Variants in LDLRAD4 observed in about 807,000 individuals in gnomAD.
LDLRAD4 encodes low-density lipoprotein receptor class A domain-containing protein 4.
Under a neutral mutation model 17.0 loss-of-function variants are expected in LDLRAD4, and 5 were observed. The observed-to-expected ratio is 0.29, with a 90% CI of 0.15 to 0.62. LDLRAD4 has a LOEUF of 0.62. Ranked by LOEUF, LDLRAD4 falls within the 20% of genes least tolerant of loss-of-function variation. The pLI is 0.84. For missense variants in LDLRAD4, 340 were observed against 424.7 expected (o/e 0.80, Z 1.75); for synonymous variants, 168 against 171.8 (o/e 0.98, Z 0.17).
intron 1 of LDLRAD4, among the ~76,000 whole-genome samples, chr18:13,357,959 A>C (rs895358996): frequency 6.6e-6 from 1 of 152,148 alleles, no homozygotes; most frequent in African/African-American, 2.4e-5. Context: ...CTGAAGTTCA[A>C]ACTATCCTAT....
chr18:13,347,160 C>T (rs924558595), intron 1 of LDLRAD4, among the ~76,000 whole-genome samples: 8 of 152,152 alleles, frequency 5.3e-5, no homozygotes, highest in Non-Finnish European at 1.0e-4. Flanking sequence ...CAGTTTCTTC[C>T]TAGCCTCGAT....
At chr18:13,469,047 A>G (rs1243631905) in intron 3 of LDLRAD4, among the ~76,000 whole-genome samples, 2 of 152,228 alleles carry the variant, frequency 1.3e-5, no homozygotes, top group Non-Finnish European at 2.9e-5. Flanking sequence ...AAAAGGACAA[A>G]TAACCAAACA....
At chr18:13,355,843 C>A (rs1217813409) in intron 1 of LDLRAD4, among the ~76,000 whole-genome samples, 1 of 152,142 alleles carries the variant, frequency 6.6e-6, no homozygotes, top group Non-Finnish European at 1.5e-5. Flanking sequence ...GTTGTCCAGG[C>A]TGGTCTTGAA....
chr18:13,610,265 A>AT lies in LDLRAD4; in HGVS notation c.182-10812dup, dbSNP rs1157718015. ...TTCCATGAAGTTCACCAAAGCCCTA[A>AT]TTTTTTTTTTTTTTTTTTTTTTTTT... On this transcript the variant is annotated intron_variant, in intron 3 of 5. Transcript: ENST00000359446. Among the ~76,000 whole-genome samples, 110 of 62,514 alleles carry AT rather than the reference A, an allele frequency of 1.8e-3. 25 individuals are homozygous for AT. Among genetic ancestry groups the AT allele is most frequent in the East Asian group, 2.7e-3 (6 of 2,194 alleles). The allele number at this position is 62,514 out of a possible 152,430, so 41.0% of individuals were successfully genotyped here. A position where few individuals can be genotyped will look rare whatever the true frequency, so the allele number is the denominator to read the frequency against.
chr18:13,257,122 C>A (rs910013089), intron 1 of LDLRAD4, among the ~76,000 whole-genome samples: 2 of 152,340 alleles, frequency 1.3e-5, no homozygotes, highest in African/African-American at 2.4e-5. Context: ...TGGAGTCATG[C>A]CGCGCTGGAG....
rs1568153806 is a variant in LDLRAD4, at chr18:13,440,136, A to G, written c.181+1752A>G. Among the ~76,000 whole-genome samples, 1 of 152,074 alleles carries G rather than the reference A, an allele frequency of 6.6e-6. No homozygotes were observed. The highest frequency in any genetic ancestry group is 2.4e-5 in the African/African-American group (1 of 41,418). On this transcript the variant is annotated intron_variant, in intron 3 of 5. Coordinates refer to ENST00000359446, the Ensembl canonical transcript of LDLRAD4. The surrounding 1 kb of genome is among the most constrained non-coding windows in gnomAD (Gnocchi z 4.4). ...TATCAGGACCTTGTGTGCTGCCTTG[A>G]CTGGGTTCAGAGTTCTGGAGCCCCG...
intron 3 of LDLRAD4, among the ~76,000 whole-genome samples, chr18:13,594,685 A>G (rs900023194): frequency 2.7e-5 from 4 of 149,218 alleles, no homozygotes; most frequent in African/African-American, 9.9e-5. Flanking sequence ...AAAAAAAAAA[A>G]AAAAGAAACA....
At chr18:13,516,270 A>G (rs1283673122) in intron 3 of LDLRAD4, among the ~76,000 whole-genome samples, 3 of 152,246 alleles carry the variant, frequency 2.0e-5, no homozygotes, top group Non-Finnish European at 4.4e-5. Context: ...TACAAGTGAC[A>G]GTAACAAACT....
chr18:13,515,462 AAAAACT>A (rs2093850640), intron 3 of LDLRAD4: 1 of 152,036 alleles, frequency 6.6e-6, no homozygotes, highest in African/African-American at 2.4e-5. Flanking sequence ...CTTAAAAAAC[AAAAACT>A]AAAACTACAG....
At chr18:13,452,239 T>G (rs576633857) in intron 3 of LDLRAD4, among the ~76,000 whole-genome samples, 1 of 152,050 alleles carries the variant, frequency 6.6e-6, no homozygotes, top group East Asian at 1.9e-4. Context: ...GAAGTCAGAG[T>G]GTGCCCGGCA....
intron 1 of LDLRAD4, among the ~76,000 whole-genome samples, chr18:13,379,306 C>A (rs940928259): frequency 1.3e-5 from 2 of 152,252 alleles, no homozygotes; most frequent in African/African-American, 4.8e-5. Flanking sequence ...TGGGGCACCC[C>A]CAGGCCAGCA....
In LDLRAD4 at chr18:13,300,157, G is replaced by A. The variant is rs1198031348; in HGVS notation, c.-383+21969G>A. ...AATTCCATGCCCCAGCCTGGCTTCC[G>A]GTTCCTGCTTGTCTCTGGAGAGCCG... On this transcript the variant is annotated intron_variant, in intron 1 of 5. Coordinates refer to ENST00000359446, the Ensembl canonical transcript of LDLRAD4. This position sits in a 1 kb window ranked among gnomAD's most constrained non-coding sequence, Gnocchi z 4.2. Among the ~76,000 whole-genome samples, 2 of 152,320 alleles carry A rather than the reference G, an allele frequency of 1.3e-5. No homozygotes were observed. The highest frequency in any genetic ancestry group is 1.9e-4 in the East Asian group (1 of 5,180).
At chr18:13,443,926 C>T (rs978569682) in intron 3 of LDLRAD4, among the ~76,000 whole-genome samples, 2 of 152,178 alleles carry the variant, frequency 1.3e-5, no homozygotes, top group Admixed American at 1.3e-4. Flanking sequence ...ACTACCGCCT[C>T]GGTACAGCTC....
intron 2 of LDLRAD4, among the ~76,000 whole-genome samples, chr18:13,409,742 G>A (rs1229352367): frequency 6.6e-6 from 1 of 152,132 alleles, no homozygotes; most frequent in African/African-American, 2.4e-5. Flanking sequence ...GAAGAATTGA[G>A]GAAAATAGAA....
chr18:13,271,880 C>T (rs924063168), intron 1 of LDLRAD4, among the ~76,000 whole-genome samples: 13 of 149,822 alleles, frequency 8.7e-5, no homozygotes, highest in Non-Finnish European at 1.0e-4. Flanking sequence ...CCACCCCACC[C>T]TCCTGTTCAG....
At chr18:13,271,766 C>T (rs1311575053) in intron 1 of LDLRAD4, among the ~76,000 whole-genome samples, 1 of 152,088 alleles carries the variant, frequency 6.6e-6, no homozygotes, top group Non-Finnish European at 1.5e-5. Context: ...TGACATTAGG[C>T]ACATAGACTG....
intron 2 of LDLRAD4, among the ~76,000 whole-genome samples, chr18:13,395,010 C>G (rs1029730488): frequency 6.6e-6 from 1 of 152,144 alleles, no homozygotes; most frequent in African/African-American, 2.4e-5. Flanking sequence ...CTCCTGTGCT[C>G]TCTGTTGGCA....
intron 1 of LDLRAD4, among the ~76,000 whole-genome samples, chr18:13,268,497 G>A (rs573861889): frequency 7.9e-4 from 121 of 152,322 alleles, no homozygotes; most frequent in Middle Eastern, 3.4e-3. Context: ...GCCTCACACC[G>A]CAGGCTGCCC....
chr18:13,549,778 C>T (rs2094411579), intron 3 of LDLRAD4, among the ~76,000 whole-genome samples: 1 of 152,080 alleles, frequency 6.6e-6, no homozygotes, highest in Non-Finnish European at 1.5e-5. Context: ...AATTTTAAAG[C>T]TTCTGGCATT....
Sources: allele counts gnomAD v4.1 joint callset (sites outside exome capture counted in the v4.1 genomes callset), GRCh38; gene constraint gnomAD v4.1.1; non-coding constraint Gnocchi (gnomAD v3.1); transcripts MANE v1.5; gene names NCBI Gene and HGNC (gene_info 2026-07-23, HGNC 2026-07-21).